The following ANO3 variants were observed in gnomAD, a reference collection of about 807,000 sequenced individuals.
The protein encoded by ANO3 is anoctamin-3.
A neutral mutation model predicts 144.8 loss-of-function variants in ANO3; 99 were observed. The observed-to-expected ratio is 0.68, with a 90% CI of 0.58 to 0.81. The LOEUF (loss-of-function observed/expected upper bound fraction) is 0.81. Among genes scored for constraint, ANO3 ranks in the 30% least tolerant of loss-of-function variants. The pLI is 0.00. For synonymous variants in ANO3, 414 were observed against 392.6 expected (o/e 1.05, Z -0.64); for missense variants, 905 against 1,202.2 (o/e 0.75, Z 3.66).
At chr11:26,309,526 T>A, upstream of ANO3, 1 of 326,364 alleles carries the variant, frequency 3.1e-6, no homozygotes, top group Non-Finnish European at 4.4e-6. Context: ...AGATAGTAGT[T>A]ATACTGCAGC....
rs188039293 is a variant in ANO3 at position 26,333,398 on chromosome 11, C to G, written c.46+1077C>G. Reference sequence around the variant, plus strand: ...CCAGGTTCATGCCATTATCCTGCCTCAGCCTCCTGAGTAGCTGGGACTACA... The same window carrying G: ...CCAGGTTCATGCCATTATCCTGCCTGAGCCTCCTGAGTAGCTGGGACTACA... On this transcript the variant is annotated intron_variant, in intron 1 of 26. Coordinates refer to ENST00000256737, the MANE Select transcript of ANO3 (RefSeq NM_031418.4). Among the ~76,000 whole-genome samples, 108 of 151,896 alleles carry G rather than the reference C, an allele frequency of 7.1e-4. 1 individual carries two copies. Among genetic ancestry groups the G allele is most frequent in the African/African-American group, 2.4e-3 (99 of 41,414 alleles).
chr11:26,296,143 T>A (rs1473605339), intron 1 of ANO3, among the ~76,000 whole-genome samples: 1 of 152,240 alleles, frequency 6.6e-6, no homozygotes, highest in African/African-American at 2.4e-5. Context: ...AAGGTTGCAT[T>A]TTCTCTTGTG....
rs1044143480 is a variant in ANO3, at chr11:26,485,427, AG to A, written c.432+22280del. Among the ~76,000 whole-genome samples the A allele has an allele frequency of 1.9e-4, 29 of 152,130 alleles. 1 individual carries two copies. Among genetic ancestry groups the A allele is most frequent in the African/African-American group, 6.7e-4 (28 of 41,512 alleles). On this transcript the variant is annotated intron_variant, in intron 4 of 26. Coordinates refer to ENST00000256737, the MANE Select transcript of ANO3 (RefSeq NM_031418.4). ...CTTTTTTTCCTGCTCTGGCCATATA[AG>A]TCATGACTCCTTCCTCTCCACCATT...
intron 4 of ANO3, among the ~76,000 whole-genome samples, chr11:26,489,648 C>T (rs1482786916): frequency 6.6e-6 from 1 of 152,146 alleles, no homozygotes; most frequent in Non-Finnish European, 1.5e-5. Flanking sequence ...GCAGAACTGC[C>T]CAAGACTGTA....
chr11:26,271,134 TAA>T (rs531164538), intron 1 of ANO3, among the ~76,000 whole-genome samples: 25 of 152,250 alleles, frequency 1.6e-4, no homozygotes, highest in Admixed American at 3.3e-4. Flanking sequence ...AAGATAATTC[TAA>T]AAGAGTGACA....
chr11:26,616,618 C>T (rs1360898843), intron 17 of ANO3, among the ~76,000 whole-genome samples: 1 of 151,994 alleles, frequency 6.6e-6, no homozygotes, highest in Non-Finnish European at 1.5e-5. Context: ...AACAGAAACT[C>T]CAGGTCCAAG....
intron 1 of ANO3, among the ~76,000 whole-genome samples, chr11:26,312,259 G>A (rs1854517604): frequency 6.6e-6 from 1 of 152,212 alleles, no homozygotes; most frequent in Non-Finnish European, 1.5e-5. Context: ...GGACATTTGG[G>A]TTGGTTCCAA....
chr11:26,235,221 T>C (rs1318375076), intron 1 of ANO3, among the ~76,000 whole-genome samples: 1 of 152,172 alleles, frequency 6.6e-6, no homozygotes, highest in Non-Finnish European at 1.5e-5. Flanking sequence ...TATCTGAGTA[T>C]CCCATGGCCC....
At chr11:26,463,644 T>A (rs72889128) in intron 4 of ANO3, among the ~76,000 whole-genome samples, 5,027 of 151,934 alleles carry the variant, frequency 0.033, 110 homozygotes, top group Admixed American at 0.074. Context: ...TAGCAAAAGA[T>A]TGAGAATACC....
At chr11:26,657,863 T>C (rs1038882146) in intron 26 of ANO3, among the ~76,000 whole-genome samples, 75 of 152,214 alleles carry the variant, frequency 4.9e-4, no homozygotes, top group African/African-American at 1.8e-3. Flanking sequence ...ATCAAATGTA[T>C]TAATCCTTTG....
chr11:26,504,275 T>G (rs1861323746), intron 4 of ANO3, among the ~76,000 whole-genome samples: 3 of 152,144 alleles, frequency 2.0e-5, no homozygotes, highest in South Asian at 4.1e-4. Context: ...CACATGATTT[T>G]TTTTAGGCCA....
At chr11:26,295,031 T>C (rs1382637674) in intron 1 of ANO3, among the ~76,000 whole-genome samples, 1 of 152,068 alleles carries the variant, frequency 6.6e-6, no homozygotes, top group Non-Finnish European at 1.5e-5. Context: ...CCTGAGTAAC[T>C]GGGACTATAG....
At chr11:26,547,942 T>C (rs150012693) in intron 12 of ANO3, among the ~76,000 whole-genome samples, 360 of 152,058 alleles carry the variant, frequency 2.4e-3, no homozygotes, top group Non-Finnish European at 3.9e-3. Flanking sequence ...TCCTTCCAAA[T>C]ACCTTGTTTC....
chr11:26,480,187 C>T (rs187187834), intron 4 of ANO3, among the ~76,000 whole-genome samples: 6 of 152,254 alleles, frequency 3.9e-5, no homozygotes, highest in Non-Finnish European at 7.4e-5. Context: ...TACAAACTTC[C>T]GTGATATTCT....
chr11:26,254,846 G>A (rs1195891551), intron 1 of ANO3, among the ~76,000 whole-genome samples: 4 of 152,030 alleles, frequency 2.6e-5, no homozygotes, highest in African/African-American at 9.7e-5. Flanking sequence ...CATATTCCCG[G>A]CATTACAGTA....
chr11:26,576,343 G>A (rs1204452303), intron 14 of ANO3, among the ~76,000 whole-genome samples: 1 of 152,140 alleles, frequency 6.6e-6, no homozygotes, highest in Non-Finnish European at 1.5e-5. Flanking sequence ...ACACTTAGTA[G>A]TCAAACTCAA....
Position 26,525,658 on chromosome 11 carries a change from G to A in ANO3, c.716G>A (p.Gly239Glu), listed in dbSNP as rs1333538907. ...PFRKKCYYTD[G>E]RSKSMGRMQT... is the part of the protein sequence containing the mutation. ...AGGAAAAAATGCTATTACACTGACG[G>A]GAGGAGCAAATCAATGGGCAGGTTG... Residue 239 changes from glycine to glutamate, a missense_variant, in exon 7 of 27, where the codon GGG (glycine) becomes GAG (glutamate). Gly to Glu is a moderately conservative substitution (Grantham distance 98). This residue lies in a region of ANO3 where 71 missense variants were observed against 57.9 expected (regional missense o/e 1.23). Transcript: ENST00000256737. 7 of 1,609,868 alleles carry A rather than the reference G, an allele frequency of 4.3e-6. No homozygotes were observed. The highest frequency in any genetic ancestry group is 5.9e-6 in the Non-Finnish European group (7 of 1,178,302).
intron 4 of ANO3, among the ~76,000 whole-genome samples, chr11:26,507,613 TGA>T (rs1412968569): frequency 1.3e-5 from 2 of 152,204 alleles, no homozygotes; most frequent in African/African-American, 4.8e-5. Context: ...AAAATTGGTT[TGA>T]GTTTTTAGTA....
rs1849144393 is a variant in ANO3 at position 26,525,690 on chromosome 11, G to A, written c.737+11G>A. The A allele has an allele frequency of 6.2e-7, 1 of 1,602,890 alleles. No homozygotes were observed. Among genetic ancestry groups the A allele is most frequent in the Non-Finnish European group, 8.5e-7 (1 of 1,174,560 alleles). ...CAAATCAATGGGCAGGTTGGTGGGTGATGAATCATTTCTTTATAACAAATT... is the reference window on the plus strand; with the variant it reads ...CAAATCAATGGGCAGGTTGGTGGGTAATGAATCATTTCTTTATAACAAATT... On this transcript the variant is annotated intron_variant, in intron 7 of 26. Coordinates refer to ENST00000256737, the MANE Select transcript of ANO3 (RefSeq NM_031418.4).
Sources: gnomAD v4.1 joint callset for allele counts (sites outside exome capture counted in the v4.1 genomes callset) on GRCh38, gnomAD v4.1.1 for gene constraint, gnomAD v4.1.1 regional missense constraint, MANE v1.5 for transcripts, NCBI Gene and HGNC (gene_info 2026-07-23, HGNC 2026-07-21) for gene names.